RBFOX1: variants seen among roughly 807,000 people sequenced by gnomAD.
The protein encoded by RBFOX1 is RNA binding protein fox-1 homolog 1.
Under a neutral mutation model 57.7 loss-of-function variants are expected in RBFOX1, and 8 were observed. The observed-to-expected ratio is 0.14, with a 90% CI of 0.08 to 0.25. The LOEUF (loss-of-function observed/expected upper bound fraction) is 0.25, where lower values mean the gene tolerates loss of function less well. Ranked by LOEUF, RBFOX1 falls within the 10% of genes least tolerant of loss-of-function variation. The probability of loss-of-function intolerance (pLI) is 1.00; values close to 1 mark genes in which losing one functional copy is unlikely to be tolerated. For missense variants in RBFOX1, 611 were observed against 548.5 expected (o/e 1.11, Z -1.14); for synonymous variants, 326 against 222.4 (o/e 1.47, Z -4.15).
chr16:6,318,620 C>A (rs1009665854), intron 2 of RBFOX1, among the ~76,000 whole-genome samples: 1 of 152,032 alleles, frequency 6.6e-6, no homozygotes, highest in Non-Finnish European at 1.5e-5. Context: ...CTGTTCCAAC[C>A]CTGCACTGGG....
intron 3 of RBFOX1, among the ~76,000 whole-genome samples, chr16:6,751,724 G>A (rs182110345): frequency 2.6e-5 from 4 of 152,142 alleles, no homozygotes; most frequent in Non-Finnish European, 5.9e-5. Flanking sequence ...AGAGCCAGAA[G>A]CGGCATTTCC....
chr16:6,138,664 G>A (rs778628283), intron 1 of RBFOX1, among the ~76,000 whole-genome samples: 3 of 151,696 alleles, frequency 2.0e-5, no homozygotes, highest in Non-Finnish European at 2.9e-5. Flanking sequence ...TCAGGAGATC[G>A]ACACCATCCT....
chr16:6,073,162 C>T (rs182308923), intron 1 of RBFOX1, among the ~76,000 whole-genome samples: 28 of 152,298 alleles, frequency 1.8e-4, no homozygotes, highest in Non-Finnish European at 2.4e-4. Flanking sequence ...GGGTTGGCCA[C>T]AAGTTGATAA....
chr16:7,711,841 G>C lies in RBFOX1; in HGVS notation c.*1096G>C, dbSNP rs2084045537. 1.3e-5 allele frequency: 2 copies of C among 152,564 alleles called. No homozygotes were observed. Among genetic ancestry groups the C allele is most frequent in the Admixed American group, 6.5e-5 (1 of 15,276 alleles). The allele number at this position is 152,564 out of a possible 1,614,324, so 9.5% of individuals were successfully genotyped here. A position where few individuals can be genotyped will look rare whatever the true frequency, so the allele number is the denominator to read the frequency against. On this transcript the variant is annotated 3_prime_UTR_variant, in exon 16 of 16. Transcript: ENST00000550418. ...TTACAAGTATTGCAATCATTGAGTAGAGATAATCATGGTATTTTCATCAGC... is the reference window on the plus strand; with the variant it reads ...TTACAAGTATTGCAATCATTGAGTACAGATAATCATGGTATTTTCATCAGC...
At chr16:6,160,914 A>G (rs955353116) in intron 1 of RBFOX1, among the ~76,000 whole-genome samples, 1 of 151,962 alleles carries the variant, frequency 6.6e-6, no homozygotes, top group Non-Finnish European at 1.5e-5. Flanking sequence ...TCCGCACACG[A>G]TCCTGCTTTA....
intron 2 of RBFOX1, among the ~76,000 whole-genome samples, chr16:5,536,920 C>T (rs573580102): frequency 5.4e-4 from 82 of 152,272 alleles, no homozygotes; most frequent in African/African-American, 1.8e-3. Context: ...GGAAAATGGG[C>T]TGGTTTACAT....
At chr16:7,692,646 C>T (rs988223736) in intron 14 of RBFOX1, among the ~76,000 whole-genome samples, 9 of 152,076 alleles carry the variant, frequency 5.9e-5, no homozygotes, top group South Asian at 2.1e-4. Flanking sequence ...CACATAATAT[C>T]GTGGAAGTGT....
At chr16:6,057,312 G>C (rs1191978128) in intron 1 of RBFOX1, among the ~76,000 whole-genome samples, 1 of 150,690 alleles carries the variant, frequency 6.6e-6, no homozygotes, top group African/African-American at 2.4e-5. Context: ...TTTTTTTTCT[G>C]TCTTTATAGT....
At chr16:7,434,317 A>G (rs1174122272) in intron 4 of RBFOX1, among the ~76,000 whole-genome samples, 4 of 152,092 alleles carry the variant, frequency 2.6e-5, no homozygotes, top group African/African-American at 9.6e-5. Context: ...TAAAAATACA[A>G]AAAAATTAGC....
chr16:6,272,277 A>T (rs2075297301), intron 1 of RBFOX1, among the ~76,000 whole-genome samples: 1 of 152,192 alleles, frequency 6.6e-6, no homozygotes, highest in African/African-American at 2.4e-5. Context: ...TCAGAAAAAC[A>T]GGAATAAAGA....
intron 3 of RBFOX1, among the ~76,000 whole-genome samples, chr16:6,698,637 CAG>C (rs977460902): frequency 1.3e-5 from 2 of 152,182 alleles, no homozygotes; most frequent in African/African-American, 4.8e-5. Context: ...TTCACCGAGG[CAG>C]ACGTGGTGGG....
chr16:7,657,216 G>T (rs938307811), intron 12 of RBFOX1, among the ~76,000 whole-genome samples: 1 of 152,144 alleles, frequency 6.6e-6, no homozygotes, highest in African/African-American at 2.4e-5. Flanking sequence ...TACCTTTATG[G>T]AAGCTTGGGT....
At chr16:6,821,240 A>G (rs1228484709) in intron 3 of RBFOX1, among the ~76,000 whole-genome samples, 1 of 152,152 alleles carries the variant, frequency 6.6e-6, no homozygotes, top group East Asian at 1.9e-4. Context: ...TGTTTTAAAT[A>G]TGGTGTCTCT....
At chr16:5,894,365 C>G (rs949480992) in intron 4 of RBFOX1, among the ~76,000 whole-genome samples, 42 of 152,284 alleles carry the variant, frequency 2.8e-4, no homozygotes, top group African/African-American at 9.9e-4. Context: ...TCACTTTCAC[C>G]TCCACCTCCT....
intron 1 of RBFOX1, among the ~76,000 whole-genome samples, chr16:5,456,013 G>A (rs2068619618): frequency 6.6e-6 from 1 of 151,466 alleles, no homozygotes; most frequent in Non-Finnish European, 1.5e-5. Flanking sequence ...GAATATGAAA[G>A]TAATATGTGT....
At chr16:6,973,345 A>G (rs1387231155) in intron 3 of RBFOX1, among the ~76,000 whole-genome samples, 2 of 152,212 alleles carry the variant, frequency 1.3e-5, no homozygotes, top group Non-Finnish European at 2.9e-5. Flanking sequence ...CAAAAGCAGC[A>G]CTTATTACAA....
At chr16:7,472,127 C>G (rs1026505310) in intron 4 of RBFOX1, among the ~76,000 whole-genome samples, 1 of 152,180 alleles carries the variant, frequency 6.6e-6, no homozygotes, top group Non-Finnish European at 1.5e-5. Flanking sequence ...GAATATATAA[C>G]ATGTTTATAA....
intron 1 of RBFOX1, among the ~76,000 whole-genome samples, chr16:5,249,326 C>T (rs1450094222): frequency 6.6e-6 from 1 of 152,192 alleles, no homozygotes; most frequent in African/African-American, 2.4e-5. Context: ...GTGCCCCCCA[C>T]CTTGTCCCTC....
At chr16:6,703,735 A>G (rs1371511211) in intron 3 of RBFOX1, 3 of 152,286 alleles carry the variant, frequency 2.0e-5, no homozygotes, top group Non-Finnish European at 4.4e-5. Flanking sequence ...GAAAAAAGAA[A>G]GTGGCTCTGA....
Sources: allele counts gnomAD v4.1 joint callset (sites outside exome capture counted in the v4.1 genomes callset), GRCh38; gene constraint gnomAD v4.1.1; transcripts MANE v1.5; gene names NCBI Gene and HGNC (gene_info 2026-07-23, HGNC 2026-07-21).